Variants in PAK5 observed in about 807,000 individuals in gnomAD.
PAK5 encodes the protein serine/threonine-protein kinase PAK 5.
Under a neutral mutation model 65.9 loss-of-function variants are expected in PAK5, and 16 were observed. The ratio of observed to expected loss-of-function variants is 0.24; its 90% confidence interval spans 0.16 to 0.37. The LOEUF (loss-of-function observed/expected upper bound fraction) is 0.37, where lower values mean the gene tolerates loss of function less well. PAK5 is among the 10% of genes least tolerant of loss of function. The pLI, the probability that PAK5 is intolerant of heterozygous loss-of-function variation, is 1.00. For missense variants in PAK5, 785 were observed against 903.9 expected (o/e 0.87, Z 1.69); for synonymous variants, 371 against 354.9 (o/e 1.05, Z -0.51).
chr20:9,555,490 C>A (rs2122945717), intron 7 of PAK5, among the ~76,000 whole-genome samples: 1 of 152,292 alleles, frequency 6.6e-6, no homozygotes, highest in South Asian at 2.1e-4. Context: ...GAAAGAAAGT[C>A]TTTCTTGAAA....
intron 3 of PAK5, among the ~76,000 whole-genome samples, chr20:9,588,302 T>C (rs1381924831): frequency 6.6e-6 from 1 of 152,250 alleles, no homozygotes; most frequent in Non-Finnish European, 1.5e-5. Flanking sequence ...AACTAAGGCA[T>C]GTCCTAAGAC....
chr20:9,691,318 C>T (rs983581230), intron 2 of PAK5, among the ~76,000 whole-genome samples: 2 of 151,896 alleles, frequency 1.3e-5, no homozygotes, highest in African/African-American at 2.4e-5. Flanking sequence ...GACACTCAGA[C>T]GGTGGTGGGA....
At chr20:9,630,139 A>G (rs1331188844) in intron 3 of PAK5, among the ~76,000 whole-genome samples, 1 of 152,134 alleles carries the variant, frequency 6.6e-6, no homozygotes, top group African/African-American at 2.4e-5. Flanking sequence ...GAAGATTGGG[A>G]GGACAATTTT....
intron 3 of PAK5, among the ~76,000 whole-genome samples, chr20:9,600,436 T>G (rs1336427895): frequency 6.6e-6 from 1 of 152,234 alleles, no homozygotes; most frequent in Non-Finnish European, 1.5e-5. Flanking sequence ...ATGACTTTCG[T>G]AGCATTTTCA....
At chr20:9,824,190 TAGAC>T (rs899369111) in intron 1 of PAK5, among the ~76,000 whole-genome samples, 3 of 152,204 alleles carry the variant, frequency 2.0e-5, no homozygotes, top group Non-Finnish European at 4.4e-5. Context: ...TTTTAAATAT[TAGAC>T]AGTTTCAAAA....
intron 3 of PAK5, among the ~76,000 whole-genome samples, chr20:9,588,779 G>A (rs1338657928): frequency 6.6e-6 from 1 of 152,126 alleles, no homozygotes; most frequent in African/African-American, 2.4e-5. Context: ...GGAACCTCCA[G>A]GCATTAAAAA....
chr20:9,820,004 A>C (rs1010002708), intron 1 of PAK5, among the ~76,000 whole-genome samples: 8 of 152,196 alleles, frequency 5.3e-5, no homozygotes, highest in Non-Finnish European at 1.2e-4. Context: ...GATGGGGAAG[A>C]AATGGCACCA....
At chr20:9,610,173 C>T (rs972877683) in intron 3 of PAK5, among the ~76,000 whole-genome samples, 4 of 151,944 alleles carry the variant, frequency 2.6e-5, no homozygotes, top group Admixed American at 1.3e-4. Flanking sequence ...TACGCAAAGC[C>T]GAATGTATAT....
chr20:9,609,798 TTA>T (rs1475912222), intron 3 of PAK5, among the ~76,000 whole-genome samples: 2 of 152,188 alleles, frequency 1.3e-5, no homozygotes, highest in Non-Finnish European at 2.9e-5. Context: ...AGCATAGACA[TTA>T]TGTCTTCCTG....
At chr20:9,644,985 A>G (rs1600190286) in intron 2 of PAK5, among the ~76,000 whole-genome samples, 1 of 152,228 alleles carries the variant, frequency 6.6e-6, no homozygotes, top group Non-Finnish European at 1.5e-5. Context: ...TGTGGGGAAT[A>G]AAATATATGC....
At chr20:9,605,090 A>G (rs1302409009) in intron 3 of PAK5, among the ~76,000 whole-genome samples, 1 of 152,222 alleles carries the variant, frequency 6.6e-6, no homozygotes, top group Non-Finnish European at 1.5e-5. Flanking sequence ...TGGGTGCCCC[A>G]TTGAGCTGGT....
chr20:9,625,455 C>T (rs1288626073), intron 3 of PAK5, among the ~76,000 whole-genome samples: 2 of 152,238 alleles, frequency 1.3e-5, no homozygotes, highest in African/African-American at 4.8e-5. Context: ...CCTTGCTACA[C>T]CACGCCCATG....
At chr20:9,715,335 A>C (rs2123499373) in intron 1 of PAK5, among the ~76,000 whole-genome samples, 1 of 152,152 alleles carries the variant, frequency 6.6e-6, no homozygotes, top group African/African-American at 2.4e-5. Flanking sequence ...GCAAATCGAA[A>C]CCACAATGAG....
intron 1 of PAK5, among the ~76,000 whole-genome samples, chr20:9,721,331 T>C (rs1393438444): frequency 6.6e-6 from 1 of 152,026 alleles, no homozygotes; most frequent in Admixed American, 6.6e-5. Context: ...GAGTGCTCCC[T>C]GAAGGCTCCA....
chr20:9,603,885 C>G (rs1007199869), intron 3 of PAK5, among the ~76,000 whole-genome samples: 2 of 152,136 alleles, frequency 1.3e-5, no homozygotes, highest in African/African-American at 2.4e-5. Context: ...GCTACAGAAC[C>G]CACATCTTCA....
At chr20:9,668,682 C>T (rs915906082) in intron 2 of PAK5, among the ~76,000 whole-genome samples, 2 of 152,148 alleles carry the variant, frequency 1.3e-5, no homozygotes, top group African/African-American at 2.4e-5. Flanking sequence ...AACCAATAAA[C>T]AAAAGCATGT....
intron 3 of PAK5, among the ~76,000 whole-genome samples, chr20:9,642,716 G>A (rs940175417): frequency 6.6e-6 from 1 of 152,108 alleles, no homozygotes; most frequent in African/African-American, 2.4e-5. Context: ...TAGTAGAGTT[G>A]GTTAGTCAGT....
At chr20:9,689,390 T>C (rs190128753) in intron 2 of PAK5, among the ~76,000 whole-genome samples, 24 of 152,338 alleles carry the variant, frequency 1.6e-4, no homozygotes, top group African/African-American at 3.1e-4. Context: ...ATGACTTCAA[T>C]AGCAGATGGA....
At chr20:9,570,460 G>T (rs574806230) in intron 4 of PAK5, among the ~76,000 whole-genome samples, 3 of 117,602 alleles carry the variant, frequency 2.6e-5, no homozygotes, top group African/African-American at 1.4e-4. Flanking sequence ...CAAGGAAAAC[G>T]TGTGTGTGTG....
Sources: allele counts gnomAD v4.1 joint callset (sites outside exome capture counted in the v4.1 genomes callset), GRCh38; gene constraint gnomAD v4.1.1; transcripts MANE v1.5; gene names NCBI Gene and HGNC (gene_info 2026-07-23, HGNC 2026-07-21).